Variants in ASNS observed in about 807,000 individuals in gnomAD.
ASNS encodes the protein asparagine synthetase (glutamine-hydrolyzing).
A neutral mutation model predicts 62.6 loss-of-function variants in ASNS; 37 were observed. That is an observed-to-expected ratio of 0.59 (90% CI 0.45 to 0.78). ASNS has a LOEUF of 0.78. Ranked by LOEUF, ASNS falls within the 30% of genes least tolerant of loss-of-function variation. The probability of loss-of-function intolerance (pLI) is 0.00; values close to 1 mark genes in which losing one functional copy is unlikely to be tolerated. For synonymous variants in ASNS, 207 were observed against 237.9 expected (o/e 0.87, Z 1.19); for missense variants, 520 against 682.4 (o/e 0.76, Z 2.65).
chr7:97,915,568 C>T, the ASNS span, among the ~76,000 whole-genome samples: 1 of 152,116 alleles, frequency 6.6e-6, no homozygotes, highest in African/African-American at 2.4e-5. Context: ...CTAGTGTCTA[C>T]CACAGAGAGG....
At chr7:97,911,414 G>T in the ASNS span, among the ~76,000 whole-genome samples, 5 of 151,560 alleles carry the variant, frequency 3.3e-5, no homozygotes, top group Non-Finnish European at 7.4e-5. Flanking sequence ...CGAGGTGGAT[G>T]GAGGACTGCT....
chr7:97,894,467 T>A, the ASNS span, among the ~76,000 whole-genome samples: 1 of 71,896 alleles, frequency 1.4e-5, no homozygotes. Flanking sequence ...GATAAACCAC[T>A]AGTGAGGCTA....
the ASNS span, among the ~76,000 whole-genome samples, chr7:97,921,027 A>C: frequency 6.6e-6 from 1 of 152,190 alleles, no homozygotes; most frequent in Admixed American, 6.5e-5. Flanking sequence ...CAGGGCAACA[A>C]GTTGCCATTT....
chr7:97,889,150 G>A, the ASNS span, among the ~76,000 whole-genome samples: 21 of 152,232 alleles, frequency 1.4e-4, no homozygotes, highest in East Asian at 1.7e-3. Flanking sequence ...GTCCACCACC[G>A]CTACCACTGA....
chr7:97,852,913 T>G, intron 12 of ASNS, 147 bp downstream of exon 12: 1 of 690,436 alleles, frequency 1.4e-6, no homozygotes. Flanking sequence ...ATCAGAGAGA[T>G]ATCTGATGTA....
chr7:97,853,303 A>G lies in ASNS; in HGVS notation c.1320+2T>C. ...AGTTTTACCTTGAGTTGATTTACCT[A>G]CCTTTGGAATTCTCATTTCTGGTGG... On this transcript the variant is annotated splice_donor_variant, in intron 11 of 12. Coordinates refer to ENST00000394308, the MANE Select transcript of ASNS (RefSeq NM_001673.5). LOFTEE classifies it high-confidence loss of function. The G allele has an allele frequency of 6.2e-7, 1 of 1,613,774 alleles. No homozygotes were observed. The highest frequency in any genetic ancestry group is 2.2e-5 in the East Asian group (1 of 44,846).
Position 97,858,951 on chromosome 7 carries a change from A to G in ASNS, c.678T>C (p.Phe226=). The change falls in exon 6 of 13, where the codon TTT becomes TTC. Residue 226 remains phenylalanine (F), a synonymous_variant. Coordinates refer to ENST00000394308, the MANE Select transcript of ASNS (RefSeq NM_001673.5). ...YDNVEKLFPG[F]EIETVKNNLR... ...GGTTGTTCTTCACAGTTTCTATCTC[A>G]AAACCTATAAACACAGCAGTAAATC... 6.2e-7 allele frequency: 1 copy of G among 1,610,708 alleles called. No homozygotes were observed.
At chr7:97,865,976 C>G (rs1791946999) in intron 3 of ASNS, among the ~76,000 whole-genome samples, 1 of 152,076 alleles carries the variant, frequency 6.6e-6, no homozygotes, top group African/African-American at 2.4e-5. Context: ...ACTGTGACAT[C>G]AAAATGCACA....
the ASNS span, among the ~76,000 whole-genome samples, chr7:97,880,652 CA>C: frequency 1.3e-5 from 2 of 152,172 alleles, no homozygotes; most frequent in Non-Finnish European, 1.5e-5. Context: ...GATCCCAGTG[CA>C]TTTTGAGGCA....
chr7:97,882,538 TTAAATAAATAAA>T, the ASNS span, among the ~76,000 whole-genome samples: 13 of 130,862 alleles, frequency 9.9e-5, no homozygotes, highest in Middle Eastern at 4.1e-3. Context: ...CAGAGAGAGA[TTAAATAAATAAA>T]TAAATAAATA....
At chr7:97,886,683 G>T in the ASNS span, among the ~76,000 whole-genome samples, 1 of 152,088 alleles carries the variant, frequency 6.6e-6, no homozygotes, top group Non-Finnish European at 1.5e-5. Context: ...ACAAGACGTG[G>T]GGCTGCCAAA....
chr7:97,864,118 T>A, intron 4 of ASNS, 141 bp downstream of exon 4: 1 of 717,794 alleles, frequency 1.4e-6, no homozygotes, highest in Non-Finnish European at 2.3e-6. Context: ...AACTCCTCTG[T>A]TTTTTTAAAA....
At chr7:97,909,404 G>A in the ASNS span, among the ~76,000 whole-genome samples, 91 of 147,708 alleles carry the variant, frequency 6.2e-4, 1 homozygote, top group East Asian at 0.017. Context: ...CACCTCCCAG[G>A]TTCAAGTGAT....
chr7:97,864,645 G>A (rs1791880695), intron 3 of ASNS, 149 bp from the exon 4 acceptor site: 4 of 656,012 alleles, frequency 6.1e-6, no homozygotes, highest in African/African-American at 1.8e-5. Context: ...ATTAAACTAT[G>A]GTTCGCTTCA....
chr7:97,857,117 C>T (rs1791479045), intron 7 of ASNS, among the ~76,000 whole-genome samples: 1 of 152,204 alleles, frequency 6.6e-6, no homozygotes, highest in Non-Finnish European at 1.5e-5. Flanking sequence ...CACCTCATCT[C>T]TCTCTAGTCC....
At chr7:97,878,548 T>C in the ASNS span, among the ~76,000 whole-genome samples, 2 of 152,276 alleles carry the variant, frequency 1.3e-5, no homozygotes, top group African/African-American at 4.8e-5. Context: ...TCACAATTGC[T>C]TCAAAGAGAA....
the ASNS span, chr7:97,898,611 A>T: frequency 3.1e-6 from 2 of 643,690 alleles, no homozygotes; most frequent in South Asian, 3.3e-5. Flanking sequence ...TCAGGTCATG[A>T]TTCCCATCAT....
chr7:97,865,503 T>C (rs768477628), intron 3 of ASNS, among the ~76,000 whole-genome samples: 4 of 152,198 alleles, frequency 2.6e-5, no homozygotes, highest in African/African-American at 4.8e-5. Flanking sequence ...CTCTCTTTGA[T>C]TTTATAAACT....
At chr7:97,900,650 T>G in the ASNS span, among the ~76,000 whole-genome samples, 2 of 152,136 alleles carry the variant, frequency 1.3e-5, no homozygotes, top group East Asian at 3.9e-4. Context: ...GCACATTGAT[T>G]GGTCTCTAGT....
Sources: gnomAD v4.1 joint callset for allele counts (sites outside exome capture counted in the v4.1 genomes callset) on GRCh38, gnomAD v4.1.1 for gene constraint, MANE v1.5 for transcripts, NCBI Gene and HGNC (gene_info 2026-07-23, HGNC 2026-07-21) for gene names.